The following PCDHGB1 variants were observed in gnomAD, a reference collection of about 807,000 sequenced individuals.
PCDHGB1 encodes protocadherin gamma subfamily B, 1, also known as protocadherin gamma-B1.
Under a neutral mutation model 56.6 loss-of-function variants are expected in PCDHGB1, and 34 were observed. That is an observed-to-expected ratio of 0.60 (90% CI 0.46 to 0.80). The LOEUF is 0.80. Ranked by LOEUF, PCDHGB1 falls within the 30% of genes least tolerant of loss-of-function variation. The pLI, the probability that PCDHGB1 is intolerant of heterozygous loss-of-function variation, is 0.00. For synonymous variants in PCDHGB1, 561 were observed against 505.9 expected (o/e 1.11, Z -1.46); for missense variants, 1,278 against 1,204.6 (o/e 1.06, Z -0.90).
intron 1 of PCDHGB1, chr5:141,382,678 C>T (rs1778365964): frequency 2.3e-6 from 1 of 439,006 alleles, no homozygotes; most frequent in African/African-American, 2.0e-5. Flanking sequence ...TGTTCACCAA[C>T]CAGGGAAAAA....
chr5:141,355,591 C>T (rs1759908774), intron 1 of PCDHGB1: 1 of 1,613,974 alleles, frequency 6.2e-7, no homozygotes, highest in East Asian at 2.2e-5. Context: ...TGATAACCCA[C>T]CCAGTTTTGG....
intron 1 of PCDHGB1, chr5:141,384,394 G>C (rs1252206948): frequency 1.2e-6 from 2 of 1,613,814 alleles, no homozygotes; most frequent in Non-Finnish European, 1.7e-6. Context: ...CATCCAGGGG[G>C]CTCCAGTGTC....
intron 1 of PCDHGB1, chr5:141,399,765 G>A: frequency 6.2e-7 from 1 of 1,613,356 alleles, no homozygotes; most frequent in African/African-American, 1.3e-5. Flanking sequence ...GCCTGCGCGT[G>A]TTGGTGGGCG....
intron 1 of PCDHGB1, chr5:141,478,893 T>G (rs1469313900): frequency 1.8e-6 from 2 of 1,102,894 alleles, no homozygotes; most frequent in Admixed American, 3.1e-5. Flanking sequence ...TCATTTACAT[T>G]AGGAATAAGC....
At chr5:141,366,414 T>A (rs1294202579) in intron 1 of PCDHGB1, 1 of 1,614,124 alleles carries the variant, frequency 6.2e-7, no homozygotes, top group African/African-American at 1.3e-5. Context: ...TATCTTGTGG[T>A]GGCAGTGGCT....
chr5:141,487,451 A>G lies in PCDHGB1; in HGVS notation c.2410-7356A>G. 6.2e-7 allele frequency: 1 copy of G among 1,614,122 alleles called. No homozygotes were observed. Among genetic ancestry groups the G allele is most frequent in the Non-Finnish European group, 8.5e-7 (1 of 1,180,006 alleles). On this transcript the variant is annotated intron_variant, in intron 1 of 3. Transcript: ENST00000523390. This position sits in a 1 kb window ranked among gnomAD's most constrained non-coding sequence, Gnocchi z 5.0. ...AATCCAGCTAGGGTCAGATGACCCT[A>G]TCAAGTTTGTTGATGTGGGAGGCCA...
chr5:141,416,817 C>T (rs1197915095), intron 1 of PCDHGB1: 1 of 151,958 alleles, frequency 6.6e-6, no homozygotes, highest in Non-Finnish European at 1.5e-5. Flanking sequence ...AAAAAGCATT[C>T]CGAAGTTTCT....
rs763104309 is a variant in PCDHGB1, at chr5:141,432,042, G to A, written c.2410-62765G>A. 5 of 1,614,090 alleles carry A rather than the reference G, an allele frequency of 3.1e-6. No homozygotes were observed. The African/African-American group carries it at 6.7e-5, about 22-fold the overall frequency. ...ATCACAGTGACCGCCACTGACCGGG[G>A]AACCCCGCCCCTATCCACGGAAACT... On this transcript the variant is annotated intron_variant, in intron 1 of 3. Transcript: ENST00000523390. The surrounding 1 kb of genome is among the most constrained non-coding windows in gnomAD (Gnocchi z 6.0).
intron 1 of PCDHGB1, chr5:141,366,074 G>T (rs1167288837): frequency 2.5e-6 from 4 of 1,614,100 alleles, no homozygotes; most frequent in African/African-American, 1.3e-5. Flanking sequence ...GCCTCGCTCC[G>T]CAGAACCTGG....
Position 141,366,189 on chromosome 5 carries a change from G to A in PCDHGB1, c.2409+13520G>A, listed in dbSNP as rs1488464749. ...AGCGAGCCAGGACTCTTTGCGGTTG[G>A]GCTGCACACGGGCGAGGTGCGCACA... On this transcript the variant is annotated intron_variant, in intron 1 of 3. Coordinates refer to ENST00000523390, the MANE Select transcript of PCDHGB1 (RefSeq NM_018922.3). 14 of 1,613,804 alleles carry A rather than the reference G, an allele frequency of 8.7e-6. No homozygotes were observed. In the Middle Eastern group the frequency reaches 9.9e-4, roughly 114 times the overall value.
Position 141,408,177 on chromosome 5 carries a change from G to A in PCDHGB1, c.2409+55508G>A, listed in dbSNP as rs1359754385. 7.2e-6 allele frequency: 11 copies of A among 1,534,346 alleles called. 1 individual carries two copies. In the South Asian group the frequency reaches 1.3e-4, roughly 19 times the overall value. ...GCACTTTCTCCAACTGGAAAAGCGGGGACCCAGCGAGAACCCGAGCGAACG... is the reference window on the plus strand; with the variant it reads ...GCACTTTCTCCAACTGGAAAAGCGGAGACCCAGCGAGAACCCGAGCGAACG... On this transcript the variant is annotated intron_variant, in intron 1 of 3. Transcript: ENST00000523390.
At chr5:141,498,967 GGGAGGGAAGGAAGGAAGGAA>G (rs1464205074) in intron 2 of PCDHGB1, among the ~76,000 whole-genome samples, 5 of 129,584 alleles carry the variant, frequency 3.9e-5, no homozygotes, top group African/African-American at 1.6e-4. Flanking sequence ...GAGGGAGGGA[GGGAGGGAAGGAAGGAAGGAA>G]GGAAGGAAGG....
chr5:141,499,689 CTTTTTTTTT>C (rs545067566), intron 2 of PCDHGB1, among the ~76,000 whole-genome samples: 2 of 119,856 alleles, frequency 1.7e-5, no homozygotes, highest in African/African-American at 6.2e-5. Flanking sequence ...TAACAGATGA[CTTTTTTTTT>C]TTTTTTTTTT....
At chr5:141,361,888 G>T (rs201231976) in intron 1 of PCDHGB1, 1 of 1,610,098 alleles carries the variant, frequency 6.2e-7, no homozygotes, top group African/African-American at 1.3e-5. Context: ...CGCAGAGCCC[G>T]GCTACCTGGT....
Position 141,356,228 on chromosome 5 carries a change from A to G in PCDHGB1, c.2409+3559A>G, listed in dbSNP as rs767896442. ...GTGACAGTTCTGGATGAAAATGACA[A>G]CGCACCAGAAGTCACAGTTACATCT... On this transcript the variant is annotated intron_variant, in intron 1 of 3. Coordinates refer to ENST00000523390, the MANE Select transcript of PCDHGB1 (RefSeq NM_018922.3). 11 of 1,593,694 alleles carry G rather than the reference A, an allele frequency of 6.9e-6. No homozygotes were observed. The highest frequency in any genetic ancestry group is 1.8e-5 in the Admixed American group (1 of 56,356).
At chr5:141,500,252 A>G (rs2099798400) in intron 2 of PCDHGB1, among the ~76,000 whole-genome samples, 1 of 151,094 alleles carries the variant, frequency 6.6e-6, no homozygotes, top group East Asian at 1.9e-4. Flanking sequence ...TCTGTCACCC[A>G]GGCTGGACTG....
chr5:141,489,729 C>T lies in PCDHGB1; in HGVS notation c.2410-5078C>T, dbSNP rs760195181. ...ACAGTGCCCAGGATCCGGATGTGGGCACCAATACTGTGAGCTTTTACACTC... is the reference window on the plus strand; with the variant it reads ...ACAGTGCCCAGGATCCGGATGTGGGTACCAATACTGTGAGCTTTTACACTC... On this transcript the variant is annotated intron_variant, in intron 1 of 3. Transcript: ENST00000523390. The surrounding 1 kb of genome is among the most constrained non-coding windows in gnomAD (Gnocchi z 4.5). 2.5e-6 allele frequency: 4 copies of T among 1,614,152 alleles called. No individual in the cohort carries two copies. The highest frequency in any genetic ancestry group is 2.2e-5 in the East Asian group (1 of 44,876).
chr5:141,499,402 A>G (rs2099791723), intron 2 of PCDHGB1, among the ~76,000 whole-genome samples: 2 of 152,212 alleles, frequency 1.3e-5, no homozygotes, highest in South Asian at 4.1e-4. Context: ...GTACATGCTC[A>G]TTATAGAAAC....
rs775895766 is a variant in PCDHGB1, at chr5:141,384,987, G to T, written c.2409+32318G>T. On this transcript the variant is annotated intron_variant, in intron 1 of 3. Coordinates refer to ENST00000523390, the MANE Select transcript of PCDHGB1 (RefSeq NM_018922.3). ...ACCTCACGTTGTACCTGGTGGTGGC[G>T]GTGGCCACAGTCTCCTGCGTCTTCC... The T allele has an allele frequency of 3.7e-6, 6 of 1,613,996 alleles. No individual in the cohort carries two copies. The African/African-American group carries it at 6.7e-5, about 18-fold the overall frequency.
Sources: gnomAD v4.1 joint callset for allele counts (sites outside exome capture counted in the v4.1 genomes callset) on GRCh38, gnomAD v4.1.1 for gene constraint, Gnocchi (gnomAD v3.1) non-coding constraint, MANE v1.5 for transcripts, NCBI Gene and HGNC (gene_info 2026-07-23, HGNC 2026-07-21) for gene names.